The following MPZ variants were observed in gnomAD, a reference collection of about 807,000 sequenced individuals.
MPZ encodes myelin protein P0.
MPZ carries 13 observed loss-of-function variants against 27.9 expected under a neutral mutation model. That is an observed-to-expected ratio of 0.47 (90% CI 0.30 to 0.74). The LOEUF is 0.74. Among genes scored for constraint, MPZ ranks in the 30% least tolerant of loss-of-function variants. MPZ has a pLI of 0.06. For missense variants in MPZ, 256 were observed against 317.5 expected, an observed-to-expected ratio of 0.81 and a Z score of 1.47; for synonymous variants, 118 against 128.9, an observed-to-expected ratio of 0.92 and a Z score of 0.57.
rs1021259737 is a variant in MPZ at position 161,305,840 on chromosome 1, C to T, written c.*36G>A. 2.0e-6 allele frequency: 3 copies of T among 1,499,772 alleles called. No individual in the cohort carries two copies. In the African/African-American group the frequency reaches 4.1e-5, roughly 21 times the overall value. 92.9% of individuals were successfully genotyped at this position (1,499,772 alleles called of 1,614,324 possible). On this transcript the variant is annotated 3_prime_UTR_variant, in exon 6 of 6. Transcript: ENST00000533357. ...CCTTTGGGCCTTTGGCGGACTCCAC[C>T]CCTAACCCCCGATCCCCCGCCCGGC...
At chr1:161,307,013 G>GAAAAAAAAAAAAAA in intron 2 of MPZ, 92 bp from the exon 3 acceptor site, 3 of 64,086 alleles carry the variant, frequency 4.7e-5, no homozygotes, top group East Asian at 3.1e-4. Flanking sequence ...AAAGAAAAAA[G>GAAAAAAAAAAAAAA]CAAAAAAAAA....
chr1:161,309,618 T>TG (rs1269861849), intron 1 of MPZ, among the ~76,000 whole-genome samples: 3 of 149,244 alleles, frequency 2.0e-5, no homozygotes, highest in Non-Finnish European at 4.4e-5. Flanking sequence ...CTCCAACTCC[T>TG]GGGGCTCAAA....
At chr1:161,309,552 A>ATATATATTTTTTTTTTTTTTTT in intron 1 of MPZ, among the ~76,000 whole-genome samples, 51 of 80,560 alleles carry the variant, frequency 6.3e-4, no homozygotes, top group African/African-American at 2.4e-3. Flanking sequence ...ATATATATAT[A>ATATATATTTTTTTTTTTTTTTT]TTTTTTTTTT....
In MPZ at chr1:161,305,963, A is replaced by T. The variant is rs754516430; in HGVS notation, c.660T>A (p.Tyr220Ter). The T allele has an allele frequency of 6.2e-7, 1 of 1,613,804 alleles. No homozygotes were observed. Among genetic ancestry groups the T allele is most frequent in the Non-Finnish European group, 8.5e-7 (1 of 1,179,952 alleles). Residue 220 changes from tyrosine (Y) to a stop codon, truncating the protein, a stop_gained, in exon 6 of 6, where the codon TAT becomes TAA. Coordinates refer to ENST00000533357, the MANE Select transcript of MPZ (RefSeq NM_000530.8). LOFTEE classifies it high-confidence loss of function. ...TGCTTCTGCTGTGGTCCAGCATTGC[A>T]TACAGCACTGGCGTCTGGGGGAGGG... ...SKRGRQTPVL[Y>*]AMLDHSRSTK...
rs1489602247 is a variant in MPZ at position 161,307,238 on chromosome 1, G to A, written c.234+20C>T. 6.2e-7 allele frequency: 1 copy of A among 1,614,138 alleles called. No individual in the cohort carries two copies. The highest frequency in any genetic ancestry group is 1.1e-5 in the South Asian group (1 of 91,074). ...AAGCACTTTCTGTTATCCAACCCCA[G>A]GATTCCCCCAGGCACTCACCGAAAT... On this transcript the variant is annotated intron_variant, in intron 2 of 5. Coordinates refer to ENST00000533357, the MANE Select transcript of MPZ (RefSeq NM_000530.8).
At chr1:161,304,229 C>A (rs1162284216), downstream of MPZ, among the ~76,000 whole-genome samples, 1 of 152,130 alleles carries the variant, frequency 6.6e-6, no homozygotes, top group Non-Finnish European at 1.5e-5. Context: ...AAGTGTACTA[C>A]CTTAGGCAAG....
intron 2 of MPZ, 141 bp downstream of exon 2, chr1:161,307,117 T>C (rs556835803): frequency 1.7e-6 from 2 of 1,172,464 alleles, no homozygotes; most frequent in Non-Finnish European, 2.4e-6. Context: ...GTAGTCAGGG[T>C]GACAAAGACT....
chr1:161,306,214 TTGCACC>T, intron 4 of MPZ, 46 bp from the exon 5 acceptor site: 8 of 1,612,662 alleles, frequency 5.0e-6, no homozygotes, highest in Non-Finnish European at 5.1e-6. Context: ...CCGGAACCCC[TTGCACC>T]GCGGACACAG....
At position 161,305,546 on chromosome 1, in the gene MPZ, T is replaced by G; in HGVS notation, c.*330A>C. On this transcript the variant is annotated 3_prime_UTR_variant, in exon 6 of 6. Coordinates refer to ENST00000533357, the MANE Select transcript of MPZ (RefSeq NM_000530.8). ...AGAATACAATTGCCTGGGGAATGAA[T>G]TCTGGAATGAAACTTACATCTCAAA... 1 of 346,040 alleles carries G rather than the reference T, an allele frequency of 2.9e-6. No homozygotes were observed. Among genetic ancestry groups the G allele is most frequent in the Non-Finnish European group, 5.4e-6 (1 of 186,386 alleles). The allele number at this position is 346,040 out of a possible 1,614,324, so 21.4% of individuals were successfully genotyped here. A position where few individuals can be genotyped will look rare whatever the true frequency, so the allele number is the denominator to read the frequency against.
At chr1:161,306,683 C>T (rs761112635) in intron 3 of MPZ, 25 bp downstream of exon 3, 67 of 1,610,504 alleles carry the variant, frequency 4.2e-5, no homozygotes, top group Non-Finnish European at 5.4e-5. Context: ...GCTTCCCATA[C>T]CCTTGTCCCC....
intron 3 of MPZ, 23 bp from the exon 4 acceptor site, chr1:161,306,487 T>C: frequency 6.2e-7 from 1 of 1,614,146 alleles, no homozygotes; most frequent in Non-Finnish European, 8.5e-7. Context: ...GGAAAAGAAG[T>C]GGGAGAATGA....
chr1:161,309,549 TA>T lies in MPZ; in HGVS notation c.67+289del, dbSNP rs1305173616. Among the ~76,000 whole-genome samples the T allele has an allele frequency of 1.1e-3, 131 of 116,940 alleles. 1 individual carries two copies. The highest frequency in any genetic ancestry group is 4.3e-3 in the South Asian group (14 of 3,292). 76.7% of individuals were successfully genotyped at this position (116,940 alleles called of 152,430 possible). A position where few individuals can be genotyped will look rare whatever the true frequency, so the allele number is the denominator to read the frequency against. On this transcript the variant is annotated intron_variant, in intron 1 of 5. Transcript: ENST00000533357. ...TTTTTTCTTTTCATATATATATATA[TA>T]TATTTTTTTTTTTTTTGAATTTTAC...
intron 1 of MPZ, among the ~76,000 whole-genome samples, chr1:161,309,161 GA>G (rs1207979978): frequency 6.6e-6 from 1 of 152,204 alleles, no homozygotes; most frequent in African/African-American, 2.4e-5. Flanking sequence ...GAATCTCATA[GA>G]ACCTCACTCC....
rs1317046972 is a variant in MPZ, at chr1:161,306,208, A to C, written c.585-40T>G. 4 of 1,613,104 alleles carry C rather than the reference A, an allele frequency of 2.5e-6. No individual in the cohort carries two copies. In the Admixed American group the frequency reaches 5.0e-5, roughly 20 times the overall value. On this transcript the variant is annotated intron_variant, in intron 4 of 5. Transcript: ENST00000533357. ...ACTGCTGTACGTTTGGCCTCGCCGGAACCCCTTGCACCGCGGACACAGCTT... is the reference window on the plus strand; with the variant it reads ...ACTGCTGTACGTTTGGCCTCGCCGGCACCCCTTGCACCGCGGACACAGCTT...
Position 161,306,367 on chromosome 1 carries a change from G to A in MPZ, c.546C>T (p.Cys182=). Residue 182 remains cysteine (C), a synonymous_variant, in exon 4 of 6, where the codon TGC becomes TGT. Coordinates refer to ENST00000533357, the MANE Select transcript of MPZ (RefSeq NM_000530.8). ...LLLLFYVVRY[C]WLRRQAALQR... ...GCAGGGCCGCCTGCCTGCGTAGCCA[G>A]CAGTACCGAACCACGTAGAAAAGCA... The A allele has an allele frequency of 6.2e-7, 1 of 1,614,214 alleles. No homozygotes were observed.
Position 161,305,703 on chromosome 1 carries a change from C to T in MPZ, c.*173G>A. 1.7e-6 allele frequency: 1 copy of T among 604,706 alleles called. No homozygotes were observed. Among genetic ancestry groups the T allele is most frequent in the Non-Finnish European group, 2.9e-6 (1 of 340,138 alleles). 37.5% of individuals were successfully genotyped at this position (604,706 alleles called of 1,614,324 possible). ...TGGCGATCACTTGTCCGAGTTCAGG[C>T]CCATCATGTTCTTGAGGGCGTTTTT... On this transcript the variant is annotated 3_prime_UTR_variant, in exon 6 of 6. Transcript: ENST00000533357.
chr1:161,305,892 C>A lies in MPZ; in HGVS notation c.731G>T (p.Arg244Leu), dbSNP rs749722729. 5.2e-5 allele frequency: 84 copies of A among 1,613,290 alleles called. No individual in the cohort carries two copies. Among genetic ancestry groups the A allele is most frequent in the Non-Finnish European group, 6.4e-5 (76 of 1,179,650 alleles). The change falls in exon 6 of 6, where the codon CGC (arginine) becomes CTC (leucine). Residue 244 changes from arginine to leucine, a missense_variant. Physicochemically the swap from Arg to Leu is moderately radical, Grantham distance 102. This residue lies in a region of MPZ where 101 missense variants were observed against 93.6 expected (regional missense o/e 1.08). Transcript: ENST00000533357. ...EKKAKGLGES[R>L]KDKK The stretch of plus-strand genomic sequence containing the variant: ...CGCTAACCGCTATTTCTTATCCTTG[C>A]GAGACTCCCCCAGCCCCTTGGCCTT...
intron 2 of MPZ, 89 bp downstream of exon 2, chr1:161,307,169 A>G: frequency 9.8e-6 from 15 of 1,528,324 alleles, no homozygotes; most frequent in Non-Finnish European, 1.3e-5. Context: ...CTCAAAAAGG[A>G]TTTCCCCCTC....
Position 161,305,816 on chromosome 1 carries a change from C to G in MPZ, c.*60G>C. On this transcript the variant is annotated 3_prime_UTR_variant, in exon 6 of 6. Transcript: ENST00000533357. Reference sequence around the variant, plus strand: ...GTAGCTCCATCTCGATGACCATCACCTTTGGGCCTTTGGCGGACTCCACCC... The same window carrying G: ...GTAGCTCCATCTCGATGACCATCACGTTTGGGCCTTTGGCGGACTCCACCC... The G allele has an allele frequency of 7.8e-7, 1 of 1,278,636 alleles. No individual in the cohort carries two copies. The highest frequency in any genetic ancestry group is 1.1e-6 in the Non-Finnish European group (1 of 889,478). The allele number at this position is 1,278,636 out of a possible 1,614,324, so 79.2% of individuals were successfully genotyped here.
Sources: allele counts gnomAD v4.1 joint callset (sites outside exome capture counted in the v4.1 genomes callset), GRCh38; gene constraint gnomAD v4.1.1; regional missense constraint gnomAD v4.1.1; transcripts MANE v1.5; gene names NCBI Gene and HGNC (gene_info 2026-07-23, HGNC 2026-07-21).